Variants in FRY observed in about 807,000 individuals in gnomAD.
The protein encoded by FRY is FRY microtubule binding protein.
A neutral mutation model predicts 348.4 loss-of-function variants in FRY; 128 were observed. That is an observed-to-expected ratio of 0.37 (90% confidence interval 0.32 to 0.43). The LOEUF (loss-of-function observed/expected upper bound fraction) is 0.43, where lower values mean the gene tolerates loss of function less well. FRY is among the 20% of genes least tolerant of loss of function. The pLI is 1.00. For missense variants in FRY, 2,736 were observed against 3,695.2 expected (o/e 0.74, Z 6.73); for synonymous variants, 1,370 against 1,374.7 (o/e 1.00, Z 0.08).
intron 12 of FRY, 88 bp from the exon 13 acceptor site, chr13:32,147,751 A>G (rs1403897489): frequency 1.2e-6 from 1 of 806,650 alleles, no homozygotes; most frequent in East Asian, 2.4e-5. Context: ...TCTGATTCTT[A>G]GATAAGATGA....
At chr13:32,032,731 C>A (rs1317383801) in intron 1 of FRY, among the ~76,000 whole-genome samples, 1 of 152,160 alleles carries the variant, frequency 6.6e-6, no homozygotes, top group Non-Finnish European at 1.5e-5. Flanking sequence ...AAAAGAAAGT[C>A]TTCTCTATTT....
At chr13:32,217,955 G>T (rs1429716105) in intron 35 of FRY, among the ~76,000 whole-genome samples, 2 of 152,094 alleles carry the variant, frequency 1.3e-5, no homozygotes, top group African/African-American at 4.8e-5. Flanking sequence ...CCCCAACTAG[G>T]ACCTTTCCCT....
Position 32,257,229 on chromosome 13 carries a change from G to A in FRY, c.7416+2835G>A, listed in dbSNP as rs188473725. Among the ~76,000 whole-genome samples, 11 of 152,302 alleles carry A rather than the reference G, an allele frequency of 7.2e-5. No individual in the cohort carries two copies. In the East Asian group the frequency reaches 1.5e-3, roughly 21 times the overall value. ...GATTAAATAAAATAACCAATGTATA[G>A]TGTCTAGCAAAGTGTCAGGCATATA... On this transcript the variant is annotated intron_variant, in intron 51 of 60. Transcript: ENST00000542859.
At chr13:32,108,699 C>G (rs1484667605) in intron 3 of FRY, among the ~76,000 whole-genome samples, 1 of 152,136 alleles carries the variant, frequency 6.6e-6, no homozygotes, top group Non-Finnish European at 1.5e-5. Flanking sequence ...CTTCACTGGA[C>G]AGTTTTTCAT....
intron 11 of FRY, among the ~76,000 whole-genome samples, chr13:32,144,528 C>T (rs1441033256): frequency 6.6e-6 from 1 of 151,634 alleles, no homozygotes; most frequent in Non-Finnish European, 1.5e-5. Context: ...GAATAATGAC[C>T]ACACATCTTT....
At chr13:32,167,438 T>C (rs1302862157) in intron 17 of FRY, among the ~76,000 whole-genome samples, 1 of 152,192 alleles carries the variant, frequency 6.6e-6, no homozygotes, top group Non-Finnish European at 1.5e-5. Context: ...GATGTCTGCC[T>C]TTATCTTCAT....
chr13:32,186,011 G>T (rs1024773039), intron 26 of FRY, among the ~76,000 whole-genome samples: 3 of 152,166 alleles, frequency 2.0e-5, no homozygotes, highest in Admixed American at 6.5e-5. Flanking sequence ...AAAAATCTCT[G>T]CAGGTCCTAT....
chr13:32,163,205 A>G (rs1171786195), intron 17 of FRY, among the ~76,000 whole-genome samples: 1 of 152,244 alleles, frequency 6.6e-6, no homozygotes, highest in African/African-American at 2.4e-5. Context: ...GTATTTCCCC[A>G]GAGCACAGGT....
chr13:32,168,176 G>T (rs1344284997), intron 17 of FRY, among the ~76,000 whole-genome samples: 1 of 152,186 alleles, frequency 6.6e-6, no homozygotes, highest in African/African-American at 2.4e-5. Flanking sequence ...CTGAAGGCCG[G>T]CATGCTAGAG....
At chr13:32,151,378 A>C (rs1333036172) in intron 14 of FRY, among the ~76,000 whole-genome samples, 1 of 152,248 alleles carries the variant, frequency 6.6e-6, no homozygotes, top group Non-Finnish European at 1.5e-5. Flanking sequence ...TTTATGGAAT[A>C]ATTCATTTAT....
intron 3 of FRY, among the ~76,000 whole-genome samples, chr13:32,110,435 T>A (rs1877882295): frequency 6.6e-6 from 1 of 152,182 alleles, no homozygotes; most frequent in South Asian, 2.1e-4. Context: ...CCAACCGTGA[T>A]GAGCGTGGGC....
At chr13:32,248,659 G>A (rs1886924197) in intron 48 of FRY, among the ~76,000 whole-genome samples, 1 of 152,162 alleles carries the variant, frequency 6.6e-6, no homozygotes, top group Admixed American at 6.5e-5. Context: ...TATTCAGGAT[G>A]AGATACTATT....
At chr13:32,142,010 G>T (rs186029046) in intron 11 of FRY, among the ~76,000 whole-genome samples, 4 of 151,840 alleles carry the variant, frequency 2.6e-5, no homozygotes, top group South Asian at 2.1e-4. Flanking sequence ...CAGAAGAATG[G>T]TTTTTTTTGA....
At chr13:32,134,592 A>C (rs1301821422) in intron 8 of FRY, among the ~76,000 whole-genome samples, 1 of 152,216 alleles carries the variant, frequency 6.6e-6, no homozygotes, top group African/African-American at 2.4e-5. Flanking sequence ...ATTGGAAGTG[A>C]ATGACTGAAT....
chr13:32,058,045 C>G (rs1396790112), intron 1 of FRY, among the ~76,000 whole-genome samples: 1 of 152,132 alleles, frequency 6.6e-6, no homozygotes, highest in Admixed American at 6.5e-5. Flanking sequence ...ATTAGATTAA[C>G]TGTTAAAGAA....
chr13:32,292,568 C>A (rs568796481), intron 59 of FRY, among the ~76,000 whole-genome samples: 218 of 151,842 alleles, frequency 1.4e-3, no homozygotes, highest in African/African-American at 4.9e-3. Context: ...CCAAGGTGGG[C>A]AGATCACAAG....
At chr13:32,244,673 A>G (rs1394401491) in intron 47 of FRY, among the ~76,000 whole-genome samples, 2 of 152,242 alleles carry the variant, frequency 1.3e-5, no homozygotes, top group Non-Finnish European at 2.9e-5. Flanking sequence ...AAACAAACAA[A>G]AAACATTTGT....
At position 32,124,377 on chromosome 13, in the gene FRY, G is replaced by A. The variant is rs765268855; in HGVS notation, c.555+1G>A. ...AGTATTAATAGAAGTTTTGAAACAGGTAGGTGATTAATTTATTGTTACTTT... is the reference window on the plus strand; with the variant it reads ...AGTATTAATAGAAGTTTTGAAACAGATAGGTGATTAATTTATTGTTACTTT... On this transcript the variant is annotated splice_donor_variant, in intron 5 of 60. Transcript: ENST00000542859. LOFTEE classifies it high-confidence loss of function. 2 of 1,430,132 alleles carry A rather than the reference G, an allele frequency of 1.4e-6. No individual in the cohort carries two copies. Among genetic ancestry groups the A allele is most frequent in the Non-Finnish European group, 2.0e-6 (2 of 1,014,356 alleles). The allele number at this position is 1,430,132 out of a possible 1,614,324, so 88.6% of individuals were successfully genotyped here.
chr13:32,070,073 A>G (rs1056562896), intron 1 of FRY, among the ~76,000 whole-genome samples: 6 of 152,156 alleles, frequency 3.9e-5, no homozygotes, highest in African/African-American at 1.4e-4. Flanking sequence ...ATAGTATTCC[A>G]TGGTGTATAT....
Sources: allele counts gnomAD v4.1 joint callset (sites outside exome capture counted in the v4.1 genomes callset), GRCh38; gene constraint gnomAD v4.1.1; transcripts MANE v1.5; gene names NCBI Gene and HGNC (gene_info 2026-07-23, HGNC 2026-07-21).